Variants in LTA observed in about 807,000 individuals in gnomAD.
LTA encodes the protein lymphotoxin-alpha.
LTA carries 6 observed loss-of-function variants against 15.1 expected under a neutral mutation model. That is an observed-to-expected ratio of 0.40 (90% CI 0.22 to 0.78). LTA has a LOEUF of 0.78. Among genes scored for constraint, LTA ranks in the 30% least tolerant of loss-of-function variants. The pLI is 0.38. For missense variants in LTA, 173 were observed against 249.5 expected (o/e 0.69, Z 2.06); for synonymous variants, 87 against 107.3 (o/e 0.81, Z 1.17).
chr6:31,571,220 C>T (rs372819493), upstream of LTA, among the ~76,000 whole-genome samples: 5 of 152,010 alleles, frequency 3.3e-5, no homozygotes, highest in African/African-American at 1.2e-4. Flanking sequence ...ACCAGCACGC[C>T]TGGCTAATTT....
At chr6:31,566,584 G>A in the LTA span, among the ~76,000 whole-genome samples, 1 of 149,938 alleles carries the variant, frequency 6.7e-6, no homozygotes, top group African/African-American at 2.5e-5. Flanking sequence ...AGGTTGCAGT[G>A]AGCCGAGATT....
At chr6:31,571,775 A>G (rs1370746298), upstream of LTA, among the ~76,000 whole-genome samples, 5 of 152,216 alleles carry the variant, frequency 3.3e-5, no homozygotes, top group Non-Finnish European at 5.9e-5. Flanking sequence ...TGAAGGGGAT[A>G]TATAATGGAC....
At chr6:31,568,333 T>C (rs1433714042), upstream of LTA, among the ~76,000 whole-genome samples, 4 of 152,180 alleles carry the variant, frequency 2.6e-5, no homozygotes, top group Non-Finnish European at 4.4e-5. The surrounding 1 kb of genome is among the most constrained non-coding windows in gnomAD (Gnocchi z 4.1). Context: ...GATTTAAGTT[T>C]AGTGTTAGGA....
chr6:31,563,867 C>T, the LTA span, among the ~76,000 whole-genome samples: 1 of 152,168 alleles, frequency 6.6e-6, no homozygotes, highest in Non-Finnish European at 1.5e-5. Context: ...CTTGGCCTCC[C>T]AAAGTGCTGG....
rs199877540 is a variant in LTA at position 31,573,267 on chromosome 6, A to G, written c.206-14A>G. 1 of 1,603,772 alleles carries G rather than the reference A, an allele frequency of 6.2e-7. No individual in the cohort carries two copies. Among genetic ancestry groups the G allele is most frequent in the Admixed American group, 1.7e-5 (1 of 59,476 alleles). On this transcript the variant is annotated splice_polypyrimidine_tract_variant and intron_variant, in intron 3 of 3. Transcript: ENST00000418386. Reference sequence around the variant, plus strand: ...CCCTGATCTCCCACCCCCATCCCCTATGGCTCTTCCTAGGAGACCCCAGCA... The same window carrying G: ...CCCTGATCTCCCACCCCCATCCCCTGTGGCTCTTCCTAGGAGACCCCAGCA...
the LTA span, among the ~76,000 whole-genome samples, chr6:31,566,642 GAAAAA>G: frequency 4.6e-4 from 57 of 122,994 alleles, no homozygotes; most frequent in Admixed American, 1.6e-3. Flanking sequence ...TGTCTTAAAA[GAAAAA>G]AAAAAAAAAA....
the LTA span, among the ~76,000 whole-genome samples, chr6:31,566,050 T>C: frequency 6.6e-6 from 1 of 151,682 alleles, no homozygotes; most frequent in Non-Finnish European, 1.5e-5. Context: ...CGGTGGCGCA[T>C]GCCTGTAATC....
chr6:31,566,429 A>G, the LTA span, among the ~76,000 whole-genome samples: 97,683 of 151,750 alleles, frequency 0.64, 31,758 homozygotes, highest in African/African-American at 0.74. Context: ...GATCACTTGA[A>G]GTCAGGAGTT....
chr6:31,561,556 T>C, the LTA span, among the ~76,000 whole-genome samples: 2 of 151,934 alleles, frequency 1.3e-5, no homozygotes, highest in Non-Finnish European at 2.9e-5. Flanking sequence ...CTGGGTGTGG[T>C]CTTGGGCACC....
the LTA span, among the ~76,000 whole-genome samples, chr6:31,566,866 G>A: frequency 1.3e-5 from 2 of 151,754 alleles, no homozygotes; most frequent in African/African-American, 4.8e-5. Flanking sequence ...TTTGAACCCG[G>A]GCAGCAGAGG....
At position 31,573,667 on chromosome 6, in the gene LTA, G is replaced by A; in HGVS notation, c.592G>A (p.Val198Ile). The change falls in exon 4 of 4, where the codon GTC (valine) becomes ATC (isoleucine). Residue 198 changes from valine to isoleucine, a missense_variant. Physicochemically the swap from Val to Ile is conservative, Grantham distance 29. Transcript: ENST00000418386. ...CCACCTAGTCCTCAGCCCTAGTACT[G>A]TCTTCTTTGGAGCCTTCGCTCTGTA... ...IPHLVLSPST[V>I]FFGAFAL 2 of 1,613,706 alleles carry A rather than the reference G, an allele frequency of 1.2e-6. No homozygotes were observed. Among genetic ancestry groups the A allele is most frequent in the East Asian group, 2.2e-5 (1 of 44,884 alleles).
At chr6:31,571,729 C>T (rs965508433), upstream of LTA, among the ~76,000 whole-genome samples, 1 of 152,148 alleles carries the variant, frequency 6.6e-6, no homozygotes, top group African/African-American at 2.4e-5. Context: ...TTAATATTTT[C>T]ACCTGGACAA....
chr6:31,571,286 C>G (rs1291851712), upstream of LTA, among the ~76,000 whole-genome samples: 2 of 152,112 alleles, frequency 1.3e-5, no homozygotes, highest in African/African-American at 4.8e-5. Context: ...TCTCAAACTC[C>G]TGACCTCAAG....
At chr6:31,566,353 A>G in the LTA span, among the ~76,000 whole-genome samples, 1 of 152,006 alleles carries the variant, frequency 6.6e-6, no homozygotes, top group Non-Finnish European at 1.5e-5. Context: ...CTTAGAAAAA[A>G]AAAACCAGGC....
the LTA span, among the ~76,000 whole-genome samples, chr6:31,562,800 C>A: frequency 2.2e-5 from 3 of 139,252 alleles, no homozygotes; most frequent in African/African-American, 8.2e-5. Context: ...GCAGAGGGTG[C>A]AGTGAGCCGA....
At chr6:31,569,518 C>T (rs1583035277), upstream of LTA, among the ~76,000 whole-genome samples, 3 of 152,070 alleles carry the variant, frequency 2.0e-5, no homozygotes, top group East Asian at 1.9e-4. Context: ...GAAGGTTGGG[C>T]GCAGTGGCTC....
the LTA span, among the ~76,000 whole-genome samples, chr6:31,562,859 CAAAAAA>C: frequency 4.3e-5 from 4 of 93,482 alleles, no homozygotes; most frequent in East Asian, 6.1e-4. Flanking sequence ...GACTCAGTCT[CAAAAAA>C]AAAAAAAAAA....
the LTA span, among the ~76,000 whole-genome samples, chr6:31,566,641 A>AG: frequency 1.5e-4 from 12 of 80,596 alleles, no homozygotes; most frequent in South Asian, 4.8e-3. Flanking sequence ...CTGTCTTAAA[A>AG]GAAAAAAAAA....
Position 31,573,876 on chromosome 6 carries a change from C to A in LTA, c.*183C>A. ...GAATTCTAGGCATCCCAGGGGACCACACCTCCCTGAACCATCCCTGATGTC... is the reference window on the plus strand; with the variant it reads ...GAATTCTAGGCATCCCAGGGGACCAAACCTCCCTGAACCATCCCTGATGTC... On this transcript the variant is annotated 3_prime_UTR_variant, in exon 4 of 4. Transcript: ENST00000418386. The A allele has an allele frequency of 1.3e-6, 1 of 750,390 alleles. No individual in the cohort carries two copies. Among genetic ancestry groups the A allele is most frequent in the Non-Finnish European group, 2.3e-6 (1 of 429,104 alleles). The allele number at this position is 750,390 out of a possible 1,614,324, so 46.5% of individuals were successfully genotyped here. A position where few individuals can be genotyped will look rare whatever the true frequency, so the allele number is the denominator to read the frequency against.
Sources: gnomAD v4.1 joint callset for allele counts (sites outside exome capture counted in the v4.1 genomes callset) on GRCh38, gnomAD v4.1.1 for gene constraint, Gnocchi (gnomAD v3.1) non-coding constraint, MANE v1.5 for transcripts, NCBI Gene and HGNC (gene_info 2026-07-23, HGNC 2026-07-21) for gene names.